CSMD1: variants seen among roughly 807,000 people sequenced by gnomAD.
CSMD1 encodes CUB and sushi domain-containing protein 1.
Under a neutral mutation model 417.5 loss-of-function variants are expected in CSMD1, and 213 were observed. The observed-to-expected ratio is 0.51, with a 90% CI of 0.46 to 0.57. CSMD1 has a LOEUF of 0.57. Ranked by LOEUF, CSMD1 falls within the 20% of genes least tolerant of loss-of-function variation. The probability of loss-of-function intolerance (pLI) is 0.00; values close to 1 mark genes in which losing one functional copy is unlikely to be tolerated. For synonymous variants in CSMD1, 2,862 were observed against 1,736.8 expected (o/e 1.65, Z -16.11); for missense variants, 6,923 against 4,529.7 (o/e 1.53, Z -15.17).
chr8:4,803,706 A>C (rs1333449810), intron 1 of CSMD1, among the ~76,000 whole-genome samples: 1 of 152,180 alleles, frequency 6.6e-6, no homozygotes, highest in African/African-American at 2.4e-5. Flanking sequence ...GCTTTTTTCC[A>C]CGAATGTCTA....
intron 7 of CSMD1, among the ~76,000 whole-genome samples, chr8:3,618,270 G>A (rs931564241): frequency 5.3e-5 from 8 of 152,094 alleles, no homozygotes; most frequent in African/African-American, 1.9e-4. Context: ...CTCCTAAAGT[G>A]TTGGGGTTAC....
chr8:3,114,639 G>A (rs1480742031), intron 42 of CSMD1, among the ~76,000 whole-genome samples: 2 of 151,960 alleles, frequency 1.3e-5, no homozygotes, highest in Non-Finnish European at 2.9e-5. Flanking sequence ...TTGCCGGTTG[G>A]TAATGGAGAT....
intron 23 of CSMD1, among the ~76,000 whole-genome samples, chr8:3,311,583 T>A (rs142419821): frequency 6.6e-6 from 1 of 152,334 alleles, no homozygotes; most frequent in Admixed American, 6.5e-5. Flanking sequence ...AGCTTTATGC[T>A]AGACGATTTG....
chr8:3,889,452 CATAT>C (rs1171842639), intron 5 of CSMD1, among the ~76,000 whole-genome samples: 4,330 of 45,246 alleles, frequency 0.096, 148 homozygotes, highest in Middle Eastern at 0.18. Flanking sequence ...CTGATCTTTC[CATAT>C]ATATATATAT....
intron 49 of CSMD1, among the ~76,000 whole-genome samples, chr8:3,071,339 C>T (rs191523219): frequency 2.0e-5 from 3 of 152,020 alleles, no homozygotes; most frequent in Admixed American, 1.3e-4. Context: ...CATCACACAC[C>T]GGGGCCCATC....
At chr8:4,393,324 A>G (rs765624918) in intron 3 of CSMD1, among the ~76,000 whole-genome samples, 49 of 152,288 alleles carry the variant, frequency 3.2e-4, no homozygotes, top group Admixed American at 5.2e-4. Flanking sequence ...GGAATATCAC[A>G]AAGTTGAGGC....
chr8:4,108,421 C>G (rs1342994870), intron 3 of CSMD1, among the ~76,000 whole-genome samples: 1 of 152,202 alleles, frequency 6.6e-6, no homozygotes, highest in African/African-American at 2.4e-5. Context: ...GACAAAGTGA[C>G]TGCCATGTTG....
intron 11 of CSMD1, among the ~76,000 whole-genome samples, chr8:3,487,244 C>T (rs917484072): frequency 6.6e-6 from 1 of 152,062 alleles, no homozygotes; most frequent in East Asian, 1.9e-4. Flanking sequence ...CTCTGTCTCC[C>T]AGGCTGGAGT....
intron 3 of CSMD1, among the ~76,000 whole-genome samples, chr8:4,181,408 A>T (rs755215715): frequency 6.6e-5 from 10 of 151,896 alleles, no homozygotes; most frequent in African/African-American, 2.4e-4. Context: ...AGGGTTCTCC[A>T]ATCTTTTGGC....
Position 4,211,390 on chromosome 8 carries a change from A to C in CSMD1, c.416-179291T>G, listed in dbSNP as rs146702044. Among the ~76,000 whole-genome samples, 32 of 152,302 alleles carry C rather than the reference A, an allele frequency of 2.1e-4. 1 individual carries two copies. The highest frequency in any genetic ancestry group is 7.5e-4 in the African/African-American group (31 of 41,560). On this transcript the variant is annotated intron_variant, in intron 3 of 69. Coordinates refer to ENST00000635120, the MANE Select transcript of CSMD1 (RefSeq NM_033225.6). ...CTTTGAAGTAATGCAATTCATTTAAAATTATTTTACCTAAATCAGCATCAC... is the reference window on the plus strand; with the variant it reads ...CTTTGAAGTAATGCAATTCATTTAACATTATTTTACCTAAATCAGCATCAC...
At chr8:3,800,446 A>G (rs1800392826) in intron 5 of CSMD1, among the ~76,000 whole-genome samples, 1 of 152,172 alleles carries the variant, frequency 6.6e-6, no homozygotes, top group Non-Finnish European at 1.5e-5. Context: ...AAATTCTACA[A>G]AAAGTGCTGG....
At position 4,933,174 on chromosome 8, in the gene CSMD1, C is replaced by T. The variant is rs114224097; in HGVS notation, c.85+61158G>A. 6.5e-3 allele frequency among the ~76,000 whole-genome samples: 996 copies of T among 152,072 alleles called. 13 individuals carry two copies. The highest frequency in any genetic ancestry group is 0.023 in the African/African-American group (939 of 41,472). On this transcript the variant is annotated intron_variant, in intron 1 of 69. Transcript: ENST00000635120. ...TTTTTACTTTTTTTTCTTTCTTCCC[C>T]TTCCTTTCTTCCTTGCTCCCTCCCT... is the stretch of plus-strand genomic sequence containing the variant.
chr8:3,788,141 G>C (rs2720859), intron 5 of CSMD1, among the ~76,000 whole-genome samples: 12,491 of 152,196 alleles, frequency 0.082, 727 homozygotes, highest in East Asian at 0.25. Flanking sequence ...TCAGGACTTG[G>C]AGATGAAATC....
intron 2 of CSMD1, among the ~76,000 whole-genome samples, chr8:4,450,967 G>A (rs77461908): frequency 1.6e-3 from 241 of 152,144 alleles, no homozygotes; most frequent in African/African-American, 5.6e-3. Flanking sequence ...CTACAGTAAC[G>A]TATTATATTT....
intron 23 of CSMD1, among the ~76,000 whole-genome samples, chr8:3,339,310 T>C (rs1341265669): frequency 6.6e-6 from 1 of 152,132 alleles, no homozygotes; most frequent in Non-Finnish European, 1.5e-5. Context: ...TTCAAGCCTC[T>C]GTTTGCAGAA....
At position 4,434,748 on chromosome 8, in the gene CSMD1, C is replaced by G. The variant is rs184748122; in HGVS notation, c.303-14683G>C. Among the ~76,000 whole-genome samples, 349 of 152,282 alleles carry G rather than the reference C, an allele frequency of 2.3e-3. 1 individual carries two copies. The highest frequency in any genetic ancestry group is 7.7e-3 in the African/African-American group (322 of 41,550). Reference sequence around the variant, plus strand: ...CTCATCCGGTGATTTTGGGACTTAGCTCTTAGACTGTCAAATACACACCCT... The same window carrying G: ...CTCATCCGGTGATTTTGGGACTTAGGTCTTAGACTGTCAAATACACACCCT... On this transcript the variant is annotated intron_variant, in intron 2 of 69. Coordinates refer to ENST00000635120, the MANE Select transcript of CSMD1 (RefSeq NM_033225.6).
intron 23 of CSMD1, among the ~76,000 whole-genome samples, chr8:3,336,279 T>C (rs1807257339): frequency 6.6e-6 from 1 of 152,154 alleles, no homozygotes; most frequent in Non-Finnish European, 1.5e-5. Flanking sequence ...TATGAGTGTT[T>C]CCAAGGCCCC....
At chr8:4,931,981 A>G (rs1563799423) in intron 1 of CSMD1, among the ~76,000 whole-genome samples, 1 of 151,106 alleles carries the variant, frequency 6.6e-6, no homozygotes, top group South Asian at 2.1e-4. Flanking sequence ...TTCAGGAAAA[A>G]ATTTAAAACC....
At chr8:3,922,619 T>G (rs1485410739) in intron 5 of CSMD1, among the ~76,000 whole-genome samples, 1 of 152,300 alleles carries the variant, frequency 6.6e-6, no homozygotes, top group East Asian at 1.9e-4. Flanking sequence ...GTCTATTTTG[T>G]GGCTGATAAA....
Sources: gnomAD v4.1 joint callset for allele counts (sites outside exome capture counted in the v4.1 genomes callset) on GRCh38, gnomAD v4.1.1 for gene constraint, MANE v1.5 for transcripts, NCBI Gene and HGNC (gene_info 2026-07-23, HGNC 2026-07-21) for gene names.